Variants in CACNG8 observed in about 807,000 individuals in gnomAD.
CACNG8 encodes calcium voltage-gated channel auxiliary subunit gamma 8, also known as voltage-dependent calcium channel gamma-8 subunit.
In CACNG8, 5 loss-of-function variants were observed where a neutral mutation model predicts 26.9. The ratio of observed to expected loss-of-function variants is 0.19; its 90% CI spans 0.10 to 0.39. The LOEUF (loss-of-function observed/expected upper bound fraction) is 0.39, where lower values mean the gene tolerates loss of function less well. CACNG8 is among the 10% of genes least tolerant of loss of function. The probability of loss-of-function intolerance (pLI) is 1.00; values close to 1 mark genes in which losing one functional copy is unlikely to be tolerated. For missense variants in CACNG8, 473 were observed against 609.4 expected (o/e 0.78, Z 2.36); for synonymous variants, 321 against 296.7 (o/e 1.08, Z -0.84).
chr19:53,979,864 C>T lies in CACNG8; in HGVS notation c.368-3C>T, dbSNP rs138928125. Reference sequence around the variant, plus strand: ...TCCTTTTCCTTTCCTTCCTCCCCCGCAGGAGTTGTCCGGGCCTCCAGCATC... The same window carrying T: ...TCCTTTTCCTTTCCTTCCTCCCCCGTAGGAGTTGTCCGGGCCTCCAGCATC... On this transcript the variant is annotated splice_region_variant and splice_polypyrimidine_tract_variant and intron_variant, in intron 2 of 3. Transcript: ENST00000270458. 7,799 of 1,597,226 alleles carry T rather than the reference C, an allele frequency of 4.9e-3. 26 individuals are homozygous for T. Among genetic ancestry groups the T allele is most frequent in the Non-Finnish European group, 5.6e-3 (6,545 of 1,169,898 alleles).
At chr19:53,979,832 C>T (rs1157810286) in intron 2 of CACNG8, 35 bp from the exon 3 acceptor site, 2 of 1,556,732 alleles carry the variant, frequency 1.3e-6, no homozygotes, top group Admixed American at 3.7e-5. Flanking sequence ...ACCGCCCTCG[C>T]TCTCCCTCCT....
intron 1 of CACNG8, among the ~76,000 whole-genome samples, chr19:53,975,837 T>C (rs16985313): frequency 0.03 from 4,601 of 152,290 alleles, 235 homozygotes; most frequent in African/African-American, 0.1. Context: ...ATGATGACCC[T>C]TTTCTGTTTC....
In CACNG8 at chr19:53,983,419, A is replaced by G. The variant is rs958668230; in HGVS notation, c.*570A>G. 1 of 152,184 alleles carries G rather than the reference A, an allele frequency of 6.6e-6. No homozygotes were observed. The highest frequency in any genetic ancestry group is 2.4e-5 in the African/African-American group (1 of 41,428). The allele number at this position is 152,184 out of a possible 1,614,324, so 9.4% of individuals were successfully genotyped here. ...ACCAGGCACTGGTACATAAGAAGGC[A>G]TTGGAGCAGGGGACACGAACGAGGC... On this transcript the variant is annotated 3_prime_UTR_variant, in exon 4 of 4. Transcript: ENST00000270458.
rs758753957 is a variant in CACNG8 at position 53,982,486 on chromosome 19, C to T, written c.915C>T (p.Ser305=). 25 of 1,504,130 alleles carry T rather than the reference C, an allele frequency of 1.7e-5. No homozygotes were observed. The South Asian group carries it at 3.1e-4, about 19-fold the overall frequency. The allele number at this position is 1,504,130 out of a possible 1,614,324, so 93.2% of individuals were successfully genotyped here. ...CGGGCTTTGCCTCCACGGACATCTCCATGTACACGCTCAGCCGCGACCCCT... is the reference window on the plus strand; with the variant it reads ...CGGGCTTTGCCTCCACGGACATCTCTATGTACACGCTCAGCCGCGACCCCT... Residue 305 remains serine, a synonymous_variant, in exon 4 of 4, where the codon TCC becomes TCT. Coordinates refer to ENST00000270458, the MANE Select transcript of CACNG8 (RefSeq NM_031895.6). The surrounding 1 kb of genome is among the most constrained non-coding windows in gnomAD (Gnocchi z 8.4).
intron 1 of CACNG8, among the ~76,000 whole-genome samples, chr19:53,965,599 G>T (rs1024702606): frequency 6.6e-6 from 1 of 151,926 alleles, no homozygotes; most frequent in Non-Finnish European, 1.5e-5. Context: ...CATTTTTATT[G>T]AGTTTATATT....
chr19:53,980,064 G>C, intron 3 of CACNG8, 57 bp downstream of exon 3: 1 of 1,251,390 alleles, frequency 8.0e-7, no homozygotes, highest in Admixed American at 3.1e-5. Flanking sequence ...GCACGTGTGT[G>C]TGTGTGTGTG....
chr19:53,978,202 G>T lies in CACNG8; in HGVS notation c.340G>T (p.Asp114Tyr). The change falls in exon 2 of 4, where the codon GAC becomes TAC. Residue 114 changes from aspartate (D) to tyrosine (Y), a missense_variant. Around this residue, in one of 6 missense-constraint regions of CACNG8, gnomAD observed 155 missense variants for 253.0 expected, o/e 0.61. Coordinates refer to ENST00000270458, the MANE Select transcript of CACNG8 (RefSeq NM_031895.6). Reference sequence around the variant, plus strand: ...TCATTTCCCGGAGGACACGGACTACGACCACGACAGCGCGGAGTATCTACT... The same window carrying T: ...TCATTTCCCGGAGGACACGGACTACTACCACGACAGCGCGGAGTATCTACT... 2 of 1,612,990 alleles carry T rather than the reference G, an allele frequency of 1.2e-6. No individual in the cohort carries two copies. The highest frequency in any genetic ancestry group is 1.7e-6 in the Non-Finnish European group (2 of 1,179,764).
intron 3 of CACNG8, 78 bp downstream of exon 3, chr19:53,980,085 TGCGC>T (rs1555815539): frequency 9.9e-7 from 1 of 1,011,498 alleles, no homozygotes; most frequent in Non-Finnish European, 1.3e-6. Flanking sequence ...TGTGTGTGTG[TGCGC>T]GCGCGCGCGT....
chr19:53,978,094 G>GC (rs1286437838), intron 1 of CACNG8, 52 bp from the exon 2 acceptor site: 8 of 881,234 alleles, frequency 9.1e-6, no homozygotes, highest in African/African-American at 1.7e-5. Flanking sequence ...GGGTTGCCCC[G>GC]CCCCCAACCC....
chr19:53,963,478 C>A (rs953982731), intron 1 of CACNG8, 53 bp downstream of exon 1: 53 of 1,408,064 alleles, frequency 3.8e-5, no homozygotes, highest in Non-Finnish European at 4.6e-5. Context: ...TCCGAGAGAC[C>A]CTGAGCCTCC....
intron 3 of CACNG8, among the ~76,000 whole-genome samples, chr19:53,980,985 C>A (rs1264646796): frequency 6.6e-6 from 1 of 151,882 alleles, no homozygotes; most frequent in Non-Finnish European, 1.5e-5. Context: ...GTAGCTGGAC[C>A]TGAGACCGGC....
At chr19:53,964,184 C>T (rs529656846) in intron 1 of CACNG8, among the ~76,000 whole-genome samples, 3 of 152,032 alleles carry the variant, frequency 2.0e-5, no homozygotes, top group East Asian at 1.9e-4. Flanking sequence ...CCTCGTGCCC[C>T]GTGACATCTT....
At position 53,975,589 on chromosome 19, in the gene CACNG8, A is replaced by G. The variant is rs112289183; in HGVS notation, c.284-2557A>G. 4.5e-3 allele frequency among the ~76,000 whole-genome samples: 685 copies of G among 152,254 alleles called. 9 individuals are homozygous for G. The highest frequency in any genetic ancestry group is 0.016 in the African/African-American group (665 of 41,562). On this transcript the variant is annotated intron_variant, in intron 1 of 3. Transcript: ENST00000270458. ...GTGATGGGGTTTTACCATGTTGGCC[A>G]GGCTGGTCTCAAACTCCTGACCTCA... is the stretch of plus-strand genomic sequence containing the variant.
intron 1 of CACNG8, among the ~76,000 whole-genome samples, chr19:53,966,716 G>GAA (rs1421393492): frequency 6.6e-6 from 1 of 152,186 alleles, no homozygotes; most frequent in African/African-American, 2.4e-5. Flanking sequence ...ATACATCCCA[G>GAA]AAAGCACTTT....
At position 53,963,443 on chromosome 19, in the gene CACNG8, C is replaced by A. The variant is rs755389760; in HGVS notation, c.283+18C>A. ...CCTGGAAGGTAGGGTGCGGGCGGCC[C>A]TCCCCGCAGCCCCCGCCGCTCCCCT... On this transcript the variant is annotated intron_variant, in intron 1 of 3. Coordinates refer to ENST00000270458, the MANE Select transcript of CACNG8 (RefSeq NM_031895.6). 4.2e-6 allele frequency: 6 copies of A among 1,431,294 alleles called. No individual in the cohort carries two copies. In the African/African-American group the frequency reaches 8.9e-5, roughly 21 times the overall value. 88.7% of individuals were successfully genotyped at this position (1,431,294 alleles called of 1,614,324 possible).
At chr19:53,975,334 G>T (rs1406779307) in intron 1 of CACNG8, among the ~76,000 whole-genome samples, 1 of 152,060 alleles carries the variant, frequency 6.6e-6, no homozygotes, top group Non-Finnish European at 1.5e-5. Context: ...CCAATGATTA[G>T]TGAAATTGAG....
rs893743691 is a variant in CACNG8 at position 53,989,515 on chromosome 19, A to T, written c.*6666A>T. 1.3e-4 allele frequency: 20 copies of T among 152,404 alleles called. No individual in the cohort carries two copies. Among genetic ancestry groups the T allele is most frequent in the African/African-American group, 4.8e-4 (20 of 41,426 alleles). 9.4% of individuals were successfully genotyped at this position (152,404 alleles called of 1,614,324 possible). The stretch of plus-strand genomic sequence containing the variant: ...GGAATGATCAATAAAAAGAAAAAAA[A>T]ATATTTCCTGAGGACTTCCAAGTAC... On this transcript the variant is annotated 3_prime_UTR_variant, in exon 4 of 4. Transcript: ENST00000270458.
Position 53,985,325 on chromosome 19 carries a change from G to A in CACNG8, c.*2476G>A, listed in dbSNP as rs1332299074. 2.7e-5 allele frequency: 1 copy of A among 36,416 alleles called. No homozygotes were observed. The highest frequency in any genetic ancestry group is 1.3e-4 in the African/African-American group (1 of 7,958). 2.3% of individuals were successfully genotyped at this position (36,416 alleles called of 1,614,324 possible). A position where few individuals can be genotyped will look rare whatever the true frequency, so the allele number is the denominator to read the frequency against. On this transcript the variant is annotated 3_prime_UTR_variant, in exon 4 of 4. Transcript: ENST00000270458. The stretch of plus-strand genomic sequence containing the variant: ...CAGGGGCTCTGCGTGCCCTTCTCTT[G>A]ACGGAAGGGTACAGATCAGAGCTGG...
At position 53,963,363 on chromosome 19, in the gene CACNG8, C is replaced by G. The variant is rs376239386; in HGVS notation, c.221C>G (p.Ser74Trp). Residue 74 changes from serine (S) to tryptophan (W), a missense_variant, in exon 1 of 4, where the codon TCG (serine) becomes TGG (tryptophan). This residue lies in a region of CACNG8 where 69 missense variants were observed against 66.7 expected (regional missense o/e 1.03). Transcript: ENST00000270458. ...CCCCACCGCGGGGGCGGCGGCGCCT[C>G]GGAGAAGAAGGACCCCGGCGGCCTC... The G allele has an allele frequency of 1.9e-6, 3 of 1,588,996 alleles. No individual in the cohort carries two copies. Among genetic ancestry groups the G allele is most frequent in the Non-Finnish European group, 1.7e-6 (2 of 1,174,058 alleles).
Sources: allele counts gnomAD v4.1 joint callset (sites outside exome capture counted in the v4.1 genomes callset), GRCh38; gene constraint gnomAD v4.1.1; regional missense constraint gnomAD v4.1.1; non-coding constraint Gnocchi (gnomAD v3.1); transcripts MANE v1.5; gene names NCBI Gene and HGNC (gene_info 2026-07-23, HGNC 2026-07-21).